Variants in GPC6 observed in about 807,000 individuals in gnomAD.
GPC6 encodes the protein glypican 6.
In GPC6, 14 loss-of-function variants were observed where a neutral mutation model predicts 55.2. That is an observed-to-expected ratio of 0.25 (90% CI 0.17 to 0.40). The LOEUF is 0.40. GPC6 is among the 10% of genes least tolerant of loss of function. GPC6 has a pLI of 1.00. For synonymous variants in GPC6, 278 were observed against 259.6 expected (o/e 1.07, Z -0.68); for missense variants, 641 against 708.5 (o/e 0.90, Z 1.08).
intron 3 of GPC6, among the ~76,000 whole-genome samples, chr13:93,958,550 T>C (rs1594620730): frequency 6.6e-6 from 1 of 152,164 alleles, no homozygotes; most frequent in East Asian, 1.9e-4. Flanking sequence ...GTTCCATTGG[T>C]CTATATGTCT....
At chr13:93,840,789 T>C (rs1318297608) in intron 3 of GPC6, among the ~76,000 whole-genome samples, 1 of 152,054 alleles carries the variant, frequency 6.6e-6, no homozygotes, top group Non-Finnish European at 1.5e-5. Context: ...TTGTTACTAA[T>C]AGGGAACATC....
intron 2 of GPC6, among the ~76,000 whole-genome samples, chr13:93,597,026 A>AAAAAG (rs1292309524): frequency 2.0e-4 from 28 of 142,066 alleles, no homozygotes; most frequent in East Asian, 9.9e-4. Flanking sequence ...AAAAAAAAAA[A>AAAAAG]AAAAGAAAAG....
At chr13:93,857,468 G>A (rs544905227) in intron 3 of GPC6, among the ~76,000 whole-genome samples, 1 of 151,646 alleles carries the variant, frequency 6.6e-6, no homozygotes, top group South Asian at 2.1e-4. Flanking sequence ...GCATGTGCAA[G>A]TGATATAACA....
chr13:93,465,080 G>A (rs1296960398), intron 1 of GPC6, among the ~76,000 whole-genome samples: 1 of 152,186 alleles, frequency 6.6e-6, no homozygotes, highest in Non-Finnish European at 1.5e-5. Context: ...AAAATATTCA[G>A]TAAACTGTGC....
intron 2 of GPC6, among the ~76,000 whole-genome samples, chr13:93,638,020 C>T (rs141084408): frequency 8.0e-4 from 121 of 152,064 alleles, no homozygotes; most frequent in African/African-American, 2.8e-3. Flanking sequence ...CTAGAACTTT[C>T]GGAGTTCACA....
At chr13:93,723,196 A>C (rs1345845807) in intron 2 of GPC6, among the ~76,000 whole-genome samples, 1 of 151,966 alleles carries the variant, frequency 6.6e-6, no homozygotes, top group African/African-American at 2.4e-5. Context: ...GCATTGTTGT[A>C]GGTAGAGCTG....
chr13:93,467,780 A>G (rs1878966437), intron 1 of GPC6, among the ~76,000 whole-genome samples: 1 of 151,600 alleles, frequency 6.6e-6, no homozygotes, highest in African/African-American at 2.4e-5. Context: ...TTGTAGAGAC[A>G]GTTTCTCCTT....
intron 1 of GPC6, among the ~76,000 whole-genome samples, chr13:93,511,058 G>C (rs960665498): frequency 7.3e-6 from 1 of 137,544 alleles, no homozygotes; most frequent in African/African-American, 2.7e-5. Context: ...TTTTCCTGTT[G>C]AGTTTTTTGA....
chr13:93,775,828 C>G (rs1365401571), intron 2 of GPC6, among the ~76,000 whole-genome samples: 1 of 151,240 alleles, frequency 6.6e-6, no homozygotes, highest in African/African-American at 2.5e-5. Context: ...CCAATTTCAA[C>G]AGAGTTTTAA....
At chr13:94,257,477 C>T (rs1891540082) in intron 4 of GPC6, among the ~76,000 whole-genome samples, 1 of 152,188 alleles carries the variant, frequency 6.6e-6, no homozygotes, top group Admixed American at 6.5e-5. Context: ...GTCAAGAACT[C>T]GCCCTGGCCC....
chr13:93,509,519 A>C (rs1437367362), intron 1 of GPC6, among the ~76,000 whole-genome samples: 1 of 152,228 alleles, frequency 6.6e-6, no homozygotes, highest in Non-Finnish European at 1.5e-5. Flanking sequence ...CAATATAATG[A>C]GTAAACCAAA....
At position 93,627,004 on chromosome 13, in the gene GPC6, C is replaced by CT. The variant is rs944585342; in HGVS notation, c.319+81590dup. 5.3e-5 allele frequency among the ~76,000 whole-genome samples: 8 copies of CT among 151,882 alleles called. No individual in the cohort carries two copies. In the East Asian group the frequency reaches 5.8e-4, roughly 11 times the overall value. On this transcript the variant is annotated intron_variant, in intron 2 of 8. Coordinates refer to ENST00000377047, the MANE Select transcript of GPC6 (RefSeq NM_005708.5). ...GAGAGAGAGAGGGAAGTGCTACACA[C>CT]TTTTTTTATTATTATTATACTTTAA...
At chr13:93,699,362 G>A (rs931213474) in intron 2 of GPC6, among the ~76,000 whole-genome samples, 1 of 152,126 alleles carries the variant, frequency 6.6e-6, no homozygotes, top group African/African-American at 2.4e-5. Context: ...TAACAGGATG[G>A]CTTTCAATTT....
intron 4 of GPC6, among the ~76,000 whole-genome samples, chr13:94,083,403 C>A (rs1013199043): frequency 3.9e-5 from 6 of 152,202 alleles, no homozygotes; most frequent in Admixed American, 6.5e-5. Context: ...CAGGCATGAG[C>A]CACTGCACCC....
chr13:94,329,405 C>T (rs1218197189), intron 6 of GPC6, among the ~76,000 whole-genome samples: 1 of 152,156 alleles, frequency 6.6e-6, no homozygotes, highest in East Asian at 1.9e-4. Flanking sequence ...AGATCTGTGC[C>T]TCGCAGTACC....
intron 6 of GPC6, among the ~76,000 whole-genome samples, chr13:94,355,181 AC>A (rs1159486501): frequency 2.0e-5 from 3 of 151,804 alleles, no homozygotes; most frequent in Admixed American, 2.0e-4. Context: ...CCACCACCAC[AC>A]CTGGCTAATT....
intron 2 of GPC6, among the ~76,000 whole-genome samples, chr13:93,664,096 T>G (rs1435587181): frequency 6.6e-6 from 1 of 152,186 alleles, no homozygotes; most frequent in Non-Finnish European, 1.5e-5. Flanking sequence ...TTTGTAACAC[T>G]TTTAGGAAAT....
At chr13:93,671,347 A>T (rs1447221078) in intron 2 of GPC6, among the ~76,000 whole-genome samples, 1 of 151,942 alleles carries the variant, frequency 6.6e-6, no homozygotes, top group Non-Finnish European at 1.5e-5. Context: ...AAGGTCCACA[A>T]TTCTAAGCGT....
At chr13:93,902,443 C>T (rs1211291229) in intron 3 of GPC6, among the ~76,000 whole-genome samples, 1 of 152,058 alleles carries the variant, frequency 6.6e-6, no homozygotes, top group African/African-American at 2.4e-5. Flanking sequence ...ATCTTCTTTA[C>T]TCATTCATCC....
Sources: gnomAD v4.1 joint callset for allele counts (sites outside exome capture counted in the v4.1 genomes callset) on GRCh38, gnomAD v4.1.1 for gene constraint, MANE v1.5 for transcripts, NCBI Gene and HGNC (gene_info 2026-07-23, HGNC 2026-07-21) for gene names.